The following BCKDK variants were observed in gnomAD, a reference collection of about 807,000 sequenced individuals.
BCKDK encodes the protein branched chain keto acid dehydrogenase kinase, also known as branched-chain alpha-ketoacid dehydrogenase kinase.
BCKDK carries 28 observed loss-of-function variants against 43.9 expected under a neutral mutation model. The ratio of observed to expected loss-of-function variants is 0.64; its 90% CI spans 0.47 to 0.87. The LOEUF is 0.87. Ranked by LOEUF, BCKDK falls within the 40% of genes least tolerant of loss-of-function variation. The pLI is 0.00. For missense variants in BCKDK, 483 were observed against 581.4 expected, an observed-to-expected ratio of 0.83 and a Z score of 1.74; for synonymous variants, 257 against 234.3, an observed-to-expected ratio of 1.10 and a Z score of -0.88.
downstream of BCKDK, among the ~76,000 whole-genome samples, chr16:31,116,514 A>C (rs1190334271): frequency 6.6e-6 from 1 of 151,584 alleles, no homozygotes; most frequent in Non-Finnish European, 1.5e-5. Flanking sequence ...TCCTTTCTTT[A>C]GACTTTATCC....
In BCKDK at chr16:31,112,510, C is replaced by T. The variant is rs1229587255; in HGVS notation, c.*245C>T. The T allele has an allele frequency of 1.6e-6, 1 of 625,504 alleles. No homozygotes were observed. The highest frequency in any genetic ancestry group is 2.8e-5 in the East Asian group (1 of 35,704). The allele number at this position is 625,504 out of a possible 1,614,324, so 38.7% of individuals were successfully genotyped here. On this transcript the variant is annotated 3_prime_UTR_variant, in exon 12 of 12. Transcript: ENST00000219794. The surrounding 1 kb of genome is among the most constrained non-coding windows in gnomAD (Gnocchi z 5.0). Reference sequence around the variant, plus strand: ...GGCCTCCAGCACCAGTTCCGTCATTCTCGTTCCTGGGGAACCCCCACTCTG... The same window carrying T: ...GGCCTCCAGCACCAGTTCCGTCATTTTCGTTCCTGGGGAACCCCCACTCTG...
downstream of BCKDK, chr16:31,117,389 T>TAAAG (rs2057454071): frequency 1.0e-5 from 2 of 193,036 alleles, no homozygotes; most frequent in African/African-American, 4.7e-5. Flanking sequence ...AATAAATAAA[T>TAAAG]AAATAAATAA....
rs747282203 is a variant in BCKDK at position 31,111,960 on chromosome 16, C to A, written c.1027C>A (p.Pro343Thr). Residue 343 changes from proline (P) to threonine (T), a missense_variant, in exon 11 of 12, where the codon CCC (proline) becomes ACC (threonine). Transcript: ENST00000219794. ...FTTAEASTQD[P>T]RISPLFGHLD... ...TACTGCTGAGGCCAGCACACAGGAC[C>A]CCCGGATCAGCCCCCTCTTTGGCCA... The A allele has an allele frequency of 9.3e-6, 15 of 1,614,006 alleles. No individual in the cohort carries two copies. Among genetic ancestry groups the A allele is most frequent in the Non-Finnish European group, 1.0e-5 (12 of 1,180,038 alleles).
rs756044552 is a variant in BCKDK, at chr16:31,109,548, C to T, written c.233C>T (p.Ala78Val). The change falls in exon 3 of 12, where the codon GCT (alanine) becomes GTT (valine). Residue 78 changes from alanine to valine, a missense_variant. Coordinates refer to ENST00000219794, the MANE Select transcript of BCKDK (RefSeq NM_005881.4). This position sits in a 1 kb window ranked among gnomAD's most constrained non-coding sequence, Gnocchi z 5.3. ...CTAACGCCCACCATGATGCTCTACG[C>T]TGGCCGCTCTCAGGACGGCAGCCAC... ...VRLTPTMMLY[A>V]GRSQDGSHLL... is the part of the protein sequence containing the mutation. The T allele has an allele frequency of 6.2e-7, 1 of 1,614,160 alleles. No individual in the cohort carries two copies. Among genetic ancestry groups the T allele is most frequent in the South Asian group, 1.1e-5 (1 of 91,088 alleles).
At position 31,111,919 on chromosome 16, in the gene BCKDK, T is replaced by C. The variant is rs1254391179; in HGVS notation, c.986T>C (p.Met329Thr). Residue 329 changes from methionine (M) to threonine (T), a missense_variant, in exon 11 of 12, where the codon ATG (methionine) becomes ACG (threonine). Transcript: ENST00000219794. ...GIAHKDLDRVMDYHFTTAEAS... is the reference protein window; with the variant it reads ...GIAHKDLDRVTDYHFTTAEAS... ...GCTCACAAAGATCTGGACCGGGTCA[T>C]GGACTACCACTTCACTACTGCTGAG... The C allele has an allele frequency of 1.9e-6, 3 of 1,614,158 alleles. No individual in the cohort carries two copies. Among genetic ancestry groups the C allele is most frequent in the South Asian group, 1.1e-5 (1 of 91,090 alleles).
chr16:31,109,818 C>G lies in BCKDK; in HGVS notation c.375+35C>G. 1 of 1,601,398 alleles carries G rather than the reference C, an allele frequency of 6.2e-7. No homozygotes were observed. The highest frequency in any genetic ancestry group is 8.6e-7 in the Non-Finnish European group (1 of 1,169,322). ...AGAGGACCTTAGGTCAGCGGGCCACCCTGCCCCGGGGGCAAGTGGGGAGTC... is the reference window on the plus strand; with the variant it reads ...AGAGGACCTTAGGTCAGCGGGCCACGCTGCCCCGGGGGCAAGTGGGGAGTC... On this transcript the variant is annotated intron_variant, in intron 4 of 11. Coordinates refer to ENST00000219794, the MANE Select transcript of BCKDK (RefSeq NM_005881.4). This position sits in a 1 kb window ranked among gnomAD's most constrained non-coding sequence, Gnocchi z 5.3.
Position 31,109,168 on chromosome 16 carries a change from T to G in BCKDK, c.-56T>G. ...GCCCCATTTTGGGTCGCCTGGGTCC[T>G]CAGTCCTAGCGGATCCTCAGTCCTA... On this transcript the variant is annotated 5_prime_UTR_variant, in exon 2 of 12. Transcript: ENST00000219794. This position sits in a 1 kb window ranked among gnomAD's most constrained non-coding sequence, Gnocchi z 5.3. The G allele has an allele frequency of 7.4e-7, 1 of 1,351,940 alleles. No homozygotes were observed. The highest frequency in any genetic ancestry group is 9.6e-7 in the Non-Finnish European group (1 of 1,036,380). 83.7% of individuals were successfully genotyped at this position (1,351,940 alleles called of 1,614,324 possible).
chr16:31,109,359 C>T lies in BCKDK; in HGVS notation c.136C>T (p.Arg46Cys). 6.2e-7 allele frequency: 1 copy of T among 1,607,844 alleles called. No homozygotes were observed. The highest frequency in any genetic ancestry group is 8.5e-7 in the Non-Finnish European group (1 of 1,176,426). The change falls in exon 2 of 12, where the codon CGC (arginine) becomes TGC (cysteine). Residue 46 changes from arginine to cysteine, a missense_variant. Physicochemically the swap from Arg to Cys is radical, Grantham distance 180. Coordinates refer to ENST00000219794, the MANE Select transcript of BCKDK (RefSeq NM_005881.4). This position sits in a 1 kb window ranked among gnomAD's most constrained non-coding sequence, Gnocchi z 5.3. ...DTHHVEMARE[R>C]SKTVTSFYNQ... ...ACACCACGTGGAGATGGCTCGGGAG[C>T]GCTCCAAGACCGTCACCTCCTTTTA...
rs1457553642 is a variant in BCKDK at position 31,111,077 on chromosome 16, G to A, written c.717-14G>A. 8.1e-6 allele frequency: 13 copies of A among 1,613,402 alleles called. No individual in the cohort carries two copies. The Admixed American group carries it at 1.0e-4, about 12-fold the overall frequency. On this transcript the variant is annotated splice_polypyrimidine_tract_variant and intron_variant, in intron 8 of 11. Transcript: ENST00000219794. Reference sequence around the variant, plus strand: ...TGGAGGGGCCCCTGACTGAACCCTCGCTCCTATCCGCAGACGCCTGTGTGA... The same window carrying A: ...TGGAGGGGCCCCTGACTGAACCCTCACTCCTATCCGCAGACGCCTGTGTGA...
At chr16:31,111,494 C>CCAAGTCCCAGAA in intron 10 of BCKDK, 105 bp downstream of exon 10, 1 of 1,287,288 alleles carries the variant, frequency 7.8e-7, no homozygotes, top group Non-Finnish European at 1.1e-6. Flanking sequence ...CATTCTGGGA[C>CCAAGTCCCAGAA]TTGGTCCCTG....
In BCKDK at chr16:31,112,171, GGTCTCTGCAGCTGCA is replaced by G. The variant is rs398124213; in HGVS notation, c.1149_1163del (p.Leu386_Gln390del). ...CGGGCCTACGCGGAGTACCTCGGTG[GGTCTCTGCAGCTGCA>G]GTCCCTGCAGGGCATTGGCACGGAC... On this transcript the variant is annotated inframe_deletion, in exon 12 of 12. Transcript: ENST00000219794. The surrounding 1 kb of genome is among the most constrained non-coding windows in gnomAD (Gnocchi z 5.0). 39 of 1,613,380 alleles carry G rather than the reference GGTCTCTGCAGCTGCA, an allele frequency of 2.4e-5. No homozygotes were observed. Among genetic ancestry groups the G allele is most frequent in the Non-Finnish European group, 3.3e-5 (39 of 1,180,010 alleles).
Position 31,109,559 on chromosome 16 carries a change from C to T in BCKDK, c.244C>T (p.Gln82Ter). ...CATGATGCTCTACGCTGGCCGCTCT[C>T]AGGACGGCAGCCACCTTCTGGTAAG... is the stretch of plus-strand genomic sequence containing the variant. ...PTMMLYAGRS[Q>*]DGSHLLKSAR... The change falls in exon 3 of 12, where the codon CAG (glutamine) becomes TAG (stop). Residue 82 changes from glutamine (Q) to a stop codon, truncating the protein, a stop_gained. Transcript: ENST00000219794. LOFTEE classifies it high-confidence loss of function. This position sits in a 1 kb window ranked among gnomAD's most constrained non-coding sequence, Gnocchi z 5.3. The T allele has an allele frequency of 6.2e-7, 1 of 1,614,152 alleles. No homozygotes were observed. The highest frequency in any genetic ancestry group is 1.1e-5 in the South Asian group (1 of 91,078).
Position 31,112,496 on chromosome 16 carries a change from CCA to C in BCKDK, c.*232_*233del. 1 of 652,644 alleles carries C rather than the reference CCA, an allele frequency of 1.5e-6. No homozygotes were observed. Among genetic ancestry groups the C allele is most frequent in the Non-Finnish European group, 2.7e-6 (1 of 370,472 alleles). The allele number at this position is 652,644 out of a possible 1,614,324, so 40.4% of individuals were successfully genotyped here. A position where few individuals can be genotyped will look rare whatever the true frequency, so the allele number is the denominator to read the frequency against. On this transcript the variant is annotated 3_prime_UTR_variant, in exon 12 of 12. Transcript: ENST00000219794. The surrounding 1 kb of genome is among the most constrained non-coding windows in gnomAD (Gnocchi z 5.0). ...AGTGGGCACCCTGAGGCCTCCAGCA[CCA>C]GTTCCGTCATTCTCGTTCCTGGGGA...
At chr16:31,116,212 G>C (rs1291423885), downstream of BCKDK, among the ~76,000 whole-genome samples, 2 of 143,886 alleles carry the variant, frequency 1.4e-5, no homozygotes, top group East Asian at 4.3e-4. Flanking sequence ...CACCGCACCC[G>C]GCCTTTTTAT....
chr16:31,115,515 G>A (rs1046004263), downstream of BCKDK, among the ~76,000 whole-genome samples: 1 of 151,898 alleles, frequency 6.6e-6, no homozygotes, highest in African/African-American at 2.4e-5. Context: ...GAGCCACTGC[G>A]CCCAGCCTCC....
chr16:31,114,739 T>C (rs545328259), downstream of BCKDK, among the ~76,000 whole-genome samples: 4 of 152,204 alleles, frequency 2.6e-5, no homozygotes, highest in Non-Finnish European at 5.9e-5. Flanking sequence ...GATTGATAGT[T>C]ATACATGCTT....
intron 9 of BCKDK, 25 bp downstream of exon 9, chr16:31,111,244 T>G: frequency 6.2e-7 from 1 of 1,614,130 alleles, no homozygotes; most frequent in Non-Finnish European, 8.5e-7. Context: ...TGTGCTGGCT[T>G]GGGGGCGGAC....
At chr16:31,115,449 C>T (rs2057440039), downstream of BCKDK, among the ~76,000 whole-genome samples, 1 of 151,840 alleles carries the variant, frequency 6.6e-6, no homozygotes, top group African/African-American at 2.4e-5. Context: ...TCTCGAACTC[C>T]CGACCTCAGG....
At position 31,110,004 on chromosome 16, in the gene BCKDK, G is replaced by T; in HGVS notation, c.376-73G>T. The T allele has an allele frequency of 6.3e-7, 1 of 1,591,204 alleles. No individual in the cohort carries two copies. Among genetic ancestry groups the T allele is most frequent in the Non-Finnish European group, 8.6e-7 (1 of 1,159,610 alleles). On this transcript the variant is annotated intron_variant, in intron 4 of 11. Coordinates refer to ENST00000219794, the MANE Select transcript of BCKDK (RefSeq NM_005881.4). This position sits in a 1 kb window ranked among gnomAD's most constrained non-coding sequence, Gnocchi z 5.4. Reference sequence around the variant, plus strand: ...CGACCAGCTGGGTGGTGATCCCCATGGGTAGGTGGGGGTGGCTGTTCTCTG... The same window carrying T: ...CGACCAGCTGGGTGGTGATCCCCATTGGTAGGTGGGGGTGGCTGTTCTCTG...
Sources: allele counts gnomAD v4.1 joint callset (sites outside exome capture counted in the v4.1 genomes callset), GRCh38; gene constraint gnomAD v4.1.1; non-coding constraint Gnocchi (gnomAD v3.1); transcripts MANE v1.5; gene names NCBI Gene and HGNC (gene_info 2026-07-23, HGNC 2026-07-21).